The following ASCC3 variants were observed in gnomAD, a reference collection of about 807,000 sequenced individuals.
The protein encoded by ASCC3 is activating signal cointegrator 1 complex subunit 3.
Under a neutral mutation model 256.3 loss-of-function variants are expected in ASCC3, and 158 were observed. The ratio of observed to expected loss-of-function variants is 0.62; its 90% confidence interval spans 0.54 to 0.70. The LOEUF (loss-of-function observed/expected upper bound fraction) is 0.70, where lower values mean the gene tolerates loss of function less well. Among genes scored for constraint, ASCC3 ranks in the 30% least tolerant of loss-of-function variants. The probability of loss-of-function intolerance (pLI) is 0.00; values close to 1 mark genes in which losing one functional copy is unlikely to be tolerated. For synonymous variants in ASCC3, 948 were observed against 883.4 expected (o/e 1.07, Z -1.30); for missense variants, 2,259 against 2,626.0 (o/e 0.86, Z 3.05).
chr6:100,826,019 T>A (rs529126806), intron 4 of ASCC3, among the ~76,000 whole-genome samples: 1 of 152,174 alleles, frequency 6.6e-6, no homozygotes, highest in East Asian at 1.9e-4. Flanking sequence ...CAGCACAAAA[T>A]GGTAATGACA....
At chr6:100,543,747 A>T (rs1330092715) in intron 36 of ASCC3, among the ~76,000 whole-genome samples, 1 of 152,136 alleles carries the variant, frequency 6.6e-6, no homozygotes, top group African/African-American at 2.4e-5. Flanking sequence ...AACAGAAAAA[A>T]AATCAGAAGT....
intron 13 of ASCC3, among the ~76,000 whole-genome samples, chr6:100,682,377 A>G (rs367585738): frequency 1.2e-4 from 19 of 152,320 alleles, no homozygotes; most frequent in Middle Eastern, 3.4e-3. Context: ...TACTTGATAA[A>G]TATTTACTAG....
intron 33 of ASCC3, 66 bp downstream of exon 33, chr6:100,605,502 T>C: frequency 8.3e-7 from 1 of 1,198,200 alleles, no homozygotes. Flanking sequence ...TATAATAAAA[T>C]ATAACCAGAA....
chr6:100,871,064 GA>G (rs1380907865), intron 1 of ASCC3, among the ~76,000 whole-genome samples: 3 of 151,996 alleles, frequency 2.0e-5, no homozygotes, highest in Admixed American at 2.0e-4. Context: ...TCGTAGTTGA[GA>G]ACCACTGTCT....
intron 34 of ASCC3, among the ~76,000 whole-genome samples, chr6:100,595,383 G>A (rs899797188): frequency 6.6e-6 from 1 of 152,048 alleles, no homozygotes; most frequent in African/African-American, 2.4e-5. Flanking sequence ...ATTTATAGCA[G>A]CATTATTTTA....
At chr6:100,853,436 T>A (rs1186103408) in intron 3 of ASCC3, among the ~76,000 whole-genome samples, 1 of 145,762 alleles carries the variant, frequency 6.9e-6, no homozygotes, top group Non-Finnish European at 1.5e-5. Context: ...TTTTTTTTTT[T>A]TTTGAGACGG....
At chr6:100,518,248 G>C in intron 37 of ASCC3, 106 bp from the exon 38 acceptor site, 1 of 1,234,154 alleles carries the variant, frequency 8.1e-7, no homozygotes, top group African/African-American at 1.5e-5. Flanking sequence ...ACCAAGCATT[G>C]TATCTCTAAA....
intron 4 of ASCC3, among the ~76,000 whole-genome samples, chr6:100,815,788 T>TTAAATG (rs1273861154): frequency 6.6e-6 from 1 of 152,086 alleles, no homozygotes; most frequent in Non-Finnish European, 1.5e-5. Context: ...GATTAAAGAC[T>TTAAATG]TAAATGTAAA....
intron 30 of ASCC3, among the ~76,000 whole-genome samples, chr6:100,611,244 C>A (rs1773379524): frequency 1.3e-5 from 2 of 152,068 alleles, no homozygotes; most frequent in South Asian, 4.1e-4. Context: ...ATCGCACACA[C>A]AAAAAACTTC....
chr6:100,663,981 T>C (rs1771500306), intron 14 of ASCC3, among the ~76,000 whole-genome samples: 1 of 152,156 alleles, frequency 6.6e-6, no homozygotes, highest in Non-Finnish European at 1.5e-5. Context: ...TGGCCTAATC[T>C]GAGCCCAGAG....
At position 100,666,185 on chromosome 6, in the gene ASCC3, T is replaced by C. The variant is rs1776465089; in HGVS notation, c.2287-3649A>G. Among the ~76,000 whole-genome samples, 3 of 152,206 alleles carry C rather than the reference T, an allele frequency of 2.0e-5. 1 individual carries two copies. In the South Asian group the frequency reaches 6.2e-4, roughly 32 times the overall value. On this transcript the variant is annotated intron_variant, in intron 14 of 41. Coordinates refer to ENST00000369162, the MANE Select transcript of ASCC3 (RefSeq NM_006828.4). ...ATTGCTGAGTAGTATTCCACGGTAC[T>C]ACAGATGGGCACATTACAGTCTGTT...
At chr6:100,742,271 C>T (rs865976247) in intron 10 of ASCC3, among the ~76,000 whole-genome samples, 3 of 151,668 alleles carry the variant, frequency 2.0e-5, no homozygotes, top group Non-Finnish European at 2.9e-5. Context: ...GGGGTACTGA[C>T]CTGTTGTTGG....
chr6:100,838,802 T>A (rs1053340546), intron 4 of ASCC3, among the ~76,000 whole-genome samples: 1 of 152,090 alleles, frequency 6.6e-6, no homozygotes, highest in African/African-American at 2.4e-5. Flanking sequence ...TATTCTGATA[T>A]TAATTGTCTC....
intron 4 of ASCC3, among the ~76,000 whole-genome samples, chr6:100,820,763 A>G (rs899836150): frequency 2.0e-5 from 3 of 152,164 alleles, no homozygotes; most frequent in Admixed American, 6.5e-5. Context: ...CATCCAAAAT[A>G]TACAATGAAC....
intron 13 of ASCC3, among the ~76,000 whole-genome samples, chr6:100,713,054 A>G (rs760393700): frequency 6.6e-6 from 1 of 152,032 alleles, no homozygotes; most frequent in African/African-American, 2.4e-5. Context: ...CACCATGCCC[A>G]GCGCAATTAT....
At chr6:100,708,914 A>G (rs555024255) in intron 13 of ASCC3, among the ~76,000 whole-genome samples, 1 of 152,022 alleles carries the variant, frequency 6.6e-6, no homozygotes, top group Admixed American at 6.6e-5. Flanking sequence ...TGTGCAATAC[A>G]TGTGTTATTG....
chr6:100,723,245 TAAC>T (rs761714643), intron 11 of ASCC3, among the ~76,000 whole-genome samples: 1 of 151,746 alleles, frequency 6.6e-6, no homozygotes, highest in Admixed American at 6.6e-5. Flanking sequence ...TAAATAATAT[TAAC>T]AAGTTGTTTT....
At chr6:100,675,843 T>C (rs1189594910) in intron 14 of ASCC3, among the ~76,000 whole-genome samples, 1 of 152,140 alleles carries the variant, frequency 6.6e-6, no homozygotes, top group Non-Finnish European at 1.5e-5. Flanking sequence ...TGAGAACAGT[T>C]AAAGCCTGTT....
intron 36 of ASCC3, among the ~76,000 whole-genome samples, chr6:100,582,971 C>T (rs1203341304): frequency 6.6e-6 from 1 of 152,134 alleles, no homozygotes; most frequent in African/African-American, 2.4e-5. Flanking sequence ...TTTTGATGTG[C>T]TGCTGGATTC....
Sources: gnomAD v4.1 joint callset for allele counts (sites outside exome capture counted in the v4.1 genomes callset) on GRCh38, gnomAD v4.1.1 for gene constraint, MANE v1.5 for transcripts, NCBI Gene and HGNC (gene_info 2026-07-23, HGNC 2026-07-21) for gene names.